Variants in MYBPC2 observed in about 807,000 individuals in gnomAD.
The protein encoded by MYBPC2 is myosin binding protein C2.
MYBPC2 carries 122 observed loss-of-function variants against 137.0 expected under a neutral mutation model. The observed-to-expected ratio is 0.89, with a 90% CI of 0.77 to 1.03. The LOEUF (loss-of-function observed/expected upper bound fraction) is 1.03. Ranked by LOEUF, MYBPC2 falls within the 50% of genes least tolerant of loss-of-function variation. The probability of loss-of-function intolerance (pLI) is 0.00; values close to 1 mark genes in which losing one functional copy is unlikely to be tolerated. For synonymous variants in MYBPC2, 626 were observed against 612.3 expected (o/e 1.02, Z -0.33); for missense variants, 1,500 against 1,534.4 (o/e 0.98, Z 0.37).
At position 50,461,289 on chromosome 19, in the gene MYBPC2, G is replaced by T. The variant is rs373251132; in HGVS notation, c.2932-253G>T. On this transcript the variant is annotated intron_variant, in intron 24 of 27. Transcript: ENST00000357701. ...CAAAGAGCTGGGATTACAGGCATGA[G>T]CCACGGTGCCTGACCCCTTCTTAGC... Among the ~76,000 whole-genome samples the T allele has an allele frequency of 1.9e-4, 29 of 152,296 alleles. No homozygotes were observed. The South Asian group carries it at 5.8e-3, about 30-fold the overall frequency.
At chr19:50,448,132 C>A in intron 12 of MYBPC2, 93 bp from the exon 13 acceptor site, 1 of 1,442,130 alleles carries the variant, frequency 6.9e-7, no homozygotes, top group Non-Finnish European at 9.3e-7. Context: ...ATCCCCAGTG[C>A]CTAGACCAGC....
chr19:50,438,818 A>T (rs1368431023), intron 7 of MYBPC2, among the ~76,000 whole-genome samples: 1 of 152,084 alleles, frequency 6.6e-6, no homozygotes, highest in African/African-American at 2.4e-5. Context: ...GTGAGCCATG[A>T]TCGCGCCACT....
At chr19:50,457,129 A>G (rs1393244417) in intron 20 of MYBPC2, among the ~76,000 whole-genome samples, 1 of 152,200 alleles carries the variant, frequency 6.6e-6, no homozygotes, top group African/African-American at 2.4e-5. Flanking sequence ...ACCATGGCGA[A>G]GACAGTTCTC....
At chr19:50,462,887 G>A (rs2062472339) in intron 26 of MYBPC2, among the ~76,000 whole-genome samples, 2 of 152,178 alleles carry the variant, frequency 1.3e-5, no homozygotes, top group Non-Finnish European at 1.5e-5. Context: ...CCAGGTAACA[G>A]CTTGTCTCGG....
At position 50,460,094 on chromosome 19, in the gene MYBPC2, C is replaced by G; in HGVS notation, c.2846C>G (p.Ala949Gly). The G allele has an allele frequency of 6.3e-7, 1 of 1,577,194 alleles. No homozygotes were observed. The highest frequency in any genetic ancestry group is 1.3e-5 in the African/African-American group (1 of 74,124). ...GTGAAGGAGGTGTGGGGCACGAACGCGCTGGTGGAGTGGCAGGCCCCCAAA... is the reference window on the plus strand; with the variant it reads ...GTGAAGGAGGTGTGGGGCACGAACGGGCTGGTGGAGTGGCAGGCCCCCAAA... ...VMVKEVWGTN[A>G]LVEWQAPKDD... is the part of the protein sequence containing the mutation. The change falls in exon 24 of 28, where the codon GCG (alanine) becomes GGG (glycine). Residue 949 changes from alanine (A) to glycine (G), a missense_variant. Physicochemically the swap from Ala to Gly is moderately conservative, Grantham distance 60 (BLOSUM62 0). Transcript: ENST00000357701.
intron 1 of MYBPC2, among the ~76,000 whole-genome samples, 179 bp downstream of exon 1, chr19:50,433,151 T>C (rs1202853341): frequency 2.0e-5 from 3 of 152,162 alleles, no homozygotes; most frequent in African/African-American, 4.8e-5. Context: ...GTCTCGACTC[T>C]GCATGGGGAA....
chr19:50,458,473 G>A (rs2039934393), intron 20 of MYBPC2, 114 bp from the exon 21 acceptor site: 2 of 1,260,066 alleles, frequency 1.6e-6, no homozygotes, highest in Non-Finnish European at 1.1e-6. Flanking sequence ...TGCTTCTACT[G>A]GGAACTTACT....
At chr19:50,457,533 T>A (rs975898122) in intron 20 of MYBPC2, among the ~76,000 whole-genome samples, 1 of 152,070 alleles carries the variant, frequency 6.6e-6, no homozygotes. Context: ...CGTGCTGGAG[T>A]CAGACAGGCC....
chr19:50,434,671 C>T (rs974132073), intron 1 of MYBPC2, among the ~76,000 whole-genome samples: 2 of 152,206 alleles, frequency 1.3e-5, no homozygotes, highest in African/African-American at 4.8e-5. Context: ...CACCGCTGGG[C>T]GGACCCCCTC....
chr19:50,464,114 G>A, intron 26 of MYBPC2: 1 of 450,998 alleles, frequency 2.2e-6, no homozygotes, highest in South Asian at 2.4e-5. Flanking sequence ...CAAACAGTGA[G>A]CTCTTTGTCC....
In MYBPC2 at chr19:50,454,309, G is replaced by A; in HGVS notation, c.1954G>A (p.Glu652Lys). 6.2e-7 allele frequency: 1 copy of A among 1,613,908 alleles called. No homozygotes were observed. Among genetic ancestry groups the A allele is most frequent in the East Asian group, 2.2e-5 (1 of 44,876 alleles). The change falls in exon 18 of 28, where the codon GAG (glutamate) becomes AAG (lysine). Residue 652 changes from glutamate (E) to lysine (K), a missense_variant. By Grantham distance (56) the Glu-to-Lys change is moderately conservative (BLOSUM62 1). Coordinates refer to ENST00000357701, the MANE Select transcript of MYBPC2 (RefSeq NM_004533.4). ...PEAVRITSVG[E>K]DWAILVWEPP... ...GGCTGTGCGCATCACCTCGGTTGGA[G>A]AGGATTGGGCCATCCTTGTCTGGGA...
At chr19:50,448,461 C>G in intron 13 of MYBPC2, 71 bp downstream of exon 13, 2 of 1,528,286 alleles carry the variant, frequency 1.3e-6, no homozygotes, top group South Asian at 2.6e-5. Context: ...GTGTAACAAG[C>G]TGTCCCCCAT....
rs747290974 is a variant in MYBPC2, at chr19:50,448,243, T to C, written c.1325T>C (p.Leu442Pro). 8.1e-6 allele frequency: 13 copies of C among 1,613,500 alleles called. No individual in the cohort carries two copies. Among genetic ancestry groups the C allele is most frequent in the Non-Finnish European group, 8.5e-7 (1 of 1,179,624 alleles). The part of the protein sequence containing the change: ...LIVEEKQLEV[L>P]QDIADLTVKA... ...TGACCAGAGAAACAGCTGGAGGTCC[T>C]GCAGGACATCGCGGATCTGACGGTG... is the stretch of plus-strand genomic sequence containing the variant. Residue 442 changes from leucine (L) to proline (P), a missense_variant, in exon 13 of 28, where the codon CTG becomes CCG. By Grantham distance (98) the Leu-to-Pro change is moderately conservative. Coordinates refer to ENST00000357701, the MANE Select transcript of MYBPC2 (RefSeq NM_004533.4).
At chr19:50,459,627 C>T (rs1331739040) in intron 23 of MYBPC2, among the ~76,000 whole-genome samples, 4 of 22,974 alleles carry the variant, frequency 1.7e-4, no homozygotes, top group African/African-American at 8.0e-4. Context: ...GGAGGTGAGA[C>T]GAGGGGTGGG....
chr19:50,442,371 C>T (rs1330903698), intron 9 of MYBPC2, 58 bp downstream of exon 9: 20 of 1,574,260 alleles, frequency 1.3e-5, no homozygotes, highest in South Asian at 7.0e-5. Flanking sequence ...AGAGAACGCC[C>T]GGAGACAAGG....
intron 20 of MYBPC2, among the ~76,000 whole-genome samples, chr19:50,456,308 C>T (rs533905897): frequency 2.0e-5 from 3 of 151,708 alleles, no homozygotes; most frequent in African/African-American, 7.3e-5. Flanking sequence ...ATCCATCCAT[C>T]CATCCATCTG....
intron 20 of MYBPC2, among the ~76,000 whole-genome samples, chr19:50,458,276 C>T (rs2039931758): frequency 6.7e-6 from 1 of 149,578 alleles, no homozygotes; most frequent in African/African-American, 2.5e-5. Flanking sequence ...TGCCATTGCC[C>T]TGCAGCCTGG....
intron 8 of MYBPC2, 45 bp from the exon 9 acceptor site, chr19:50,442,136 T>G: frequency 6.4e-7 from 1 of 1,555,118 alleles, no homozygotes. Flanking sequence ...ACCAGGGGAA[T>G]GAGGACCACA....
At chr19:50,442,385 A>ATCACTC in intron 9 of MYBPC2, 72 bp downstream of exon 9, 1 of 1,550,918 alleles carries the variant, frequency 6.4e-7, no homozygotes, top group Non-Finnish European at 8.7e-7. Flanking sequence ...GACAAGGCCT[A>ATCACTC]TCACTCTTAA....
Sources: allele counts gnomAD v4.1 joint callset (sites outside exome capture counted in the v4.1 genomes callset), GRCh38; gene constraint gnomAD v4.1.1; transcripts MANE v1.5; gene names NCBI Gene and HGNC (gene_info 2026-07-23, HGNC 2026-07-21).